Variants in GEN1 observed in about 807,000 individuals in gnomAD.
GEN1 encodes GEN1 structure-specific endonuclease, also known as flap endonuclease GEN homolog 1.
A neutral mutation model predicts 67.6 loss-of-function variants in GEN1; 64 were observed. The observed-to-expected ratio is 0.95, with a 90% CI of 0.77 to 1.17. GEN1 has a LOEUF of 1.17. Ranked by LOEUF, GEN1 falls within the 50% of genes most tolerant of loss-of-function variation. The pLI is 0.00. For synonymous variants in GEN1, 371 were observed against 359.4 expected, an observed-to-expected ratio of 1.03 and a Z score of -0.37; for missense variants, 1,058 against 1,048.3, an observed-to-expected ratio of 1.01 and a Z score of -0.13.
chr2:17,757,922 A>G (rs1168729922), intron 1 of GEN1, among the ~76,000 whole-genome samples: 2 of 152,246 alleles, frequency 1.3e-5, no homozygotes, highest in African/African-American at 4.8e-5. Flanking sequence ...GAAACAACAC[A>G]AAGGGATATG....
Position 17,781,426 on chromosome 2 carries a change from A to G in GEN1, c.2214A>G (p.Leu738=), listed in dbSNP as rs773696052. The change falls in exon 14 of 14, where the codon CTA becomes CTG. Residue 738 remains leucine (L), a synonymous_variant. Transcript: ENST00000381254. The part of the protein sequence containing the change: ...LQNESRDSKI[L]KGDQLLQEDY... ...ATGAATCCAGAGACTCTAAAATTCT[A>G]AAAGGAGACCAGCTGCTTCAAGAAG... The G allele has an allele frequency of 3.1e-6, 5 of 1,613,652 alleles. No individual in the cohort carries two copies. The highest frequency in any genetic ancestry group is 1.7e-5 in the Admixed American group (1 of 60,022).
chr2:17,756,505 C>T (rs1671440767), intron 1 of GEN1, among the ~76,000 whole-genome samples: 1 of 151,640 alleles, frequency 6.6e-6, no homozygotes, highest in African/African-American at 2.4e-5. Flanking sequence ...AAATCCCACA[C>T]CAAAAAAATT....
At position 17,765,114 on chromosome 2, in the gene GEN1, C is replaced by T. The variant is rs764326321; in HGVS notation, c.525+41C>T. 2.5e-6 allele frequency: 4 copies of T among 1,586,548 alleles called. No homozygotes were observed. The Admixed American group carries it at 6.7e-5, about 27-fold the overall frequency. Reference sequence around the variant, plus strand: ...CTCTTTTTCAGCATTTGTTTACGAACTACCTTTTTTAAAGGGCTGATTAAA... The same window carrying T: ...CTCTTTTTCAGCATTTGTTTACGAATTACCTTTTTTAAAGGGCTGATTAAA... On this transcript the variant is annotated intron_variant, in intron 4 of 13. Coordinates refer to ENST00000381254, the MANE Select transcript of GEN1 (RefSeq NM_001130009.3).
Position 17,781,765 on chromosome 2 carries a change from A to G in GEN1, c.2553A>G (p.Glu851=). ...CTAAGATACATATTAAAGAAACTGA[A>G]CAGTGTGTCAGATCTTATGAAACAG... ...SSPKIHIKET[E]QCVRSYETAE... The change falls in exon 14 of 14, where the codon GAA becomes GAG. Residue 851 remains glutamate, a synonymous_variant. Coordinates refer to ENST00000381254, the MANE Select transcript of GEN1 (RefSeq NM_001130009.3). 6.2e-7 allele frequency: 1 copy of G among 1,613,268 alleles called. No individual in the cohort carries two copies. The highest frequency in any genetic ancestry group is 8.5e-7 in the Non-Finnish European group (1 of 1,179,690).
intron 3 of GEN1, among the ~76,000 whole-genome samples, chr2:17,762,528 T>C (rs1671738148): frequency 6.6e-6 from 1 of 152,094 alleles, no homozygotes; most frequent in Admixed American, 6.6e-5. Flanking sequence ...TTTTCAAATG[T>C]GTGTATTTTT....
At chr2:17,773,782 TCC>T (rs1303910333) in intron 10 of GEN1, among the ~76,000 whole-genome samples, 2 of 152,240 alleles carry the variant, frequency 1.3e-5, no homozygotes, top group East Asian at 3.9e-4. Context: ...TTATATTAAC[TCC>T]TAATATAGTG....
chr2:17,753,987 A>G (rs1489834398), upstream of GEN1: 1 of 152,340 alleles, frequency 6.6e-6, no homozygotes, highest in South Asian at 2.1e-4. Flanking sequence ...TTGCCTAAGT[A>G]AAAGGGAAAG....
chr2:17,781,154 G>A lies in GEN1; in HGVS notation c.1942G>A (p.Asp648Asn), dbSNP rs746782810. The A allele has an allele frequency of 6.2e-7, 1 of 1,613,940 alleles. No individual in the cohort carries two copies. The highest frequency in any genetic ancestry group is 8.5e-7 in the Non-Finnish European group (1 of 1,179,898). Residue 648 changes from aspartate (D) to asparagine (N), a missense_variant, in exon 14 of 14, where the codon GAT becomes AAT. Coordinates refer to ENST00000381254, the MANE Select transcript of GEN1 (RefSeq NM_001130009.3). Reference sequence around the variant, plus strand: ...CACTGCAAACATAAAGAAAGTGTTGGATGAGGATTCTGATGGGATTAGTCC... The same window carrying A: ...CACTGCAAACATAAAGAAAGTGTTGAATGAGGATTCTGATGGGATTAGTCC... ...RYTANIKKVL[D>N]EDSDGISPEE...
chr2:17,765,042 CTG>C lies in GEN1; in HGVS notation c.496_497del (p.Val166LeufsTer14), dbSNP rs1671860048. 2 of 1,614,110 alleles carry C rather than the reference CTG, an allele frequency of 1.2e-6. No homozygotes were observed. Among genetic ancestry groups the C allele is most frequent in the Non-Finnish European group, 1.7e-6 (2 of 1,180,006 alleles). ...GATACTTTCCTTTATGGGGCCCAGACTGTTTACAGGAATTTCACTATGAATAC... is the reference window on the plus strand; with the variant it reads ...GATACTTTCCTTTATGGGGCCCAGACTTTACAGGAATTTCACTATGAATAC... On this transcript the variant is annotated frameshift_variant, in exon 4 of 14. Coordinates refer to ENST00000381254, the MANE Select transcript of GEN1 (RefSeq NM_001130009.3). LOFTEE classifies it high-confidence loss of function.
intron 12 of GEN1, among the ~76,000 whole-genome samples, chr2:17,778,277 T>TACACACACAC (rs1672588682): frequency 5.7e-5 from 2 of 35,222 alleles, no homozygotes; most frequent in Admixed American, 4.6e-4. Context: ...TACATATATG[T>TACACACACAC]ATATACACAC....
chr2:17,772,879 AT>A, intron 8 of GEN1, 95 bp downstream of exon 8: 1 of 1,172,872 alleles, frequency 8.5e-7, no homozygotes, highest in Non-Finnish European at 1.2e-6. Flanking sequence ...CCATATCTAG[AT>A]TAGTCACATG....
rs747348917 is a variant in GEN1, at chr2:17,780,852, C to T, written c.1640C>T (p.Ser547Phe). 2 of 1,613,916 alleles carry T rather than the reference C, an allele frequency of 1.2e-6. No individual in the cohort carries two copies. The highest frequency in any genetic ancestry group is 1.7e-6 in the Non-Finnish European group (2 of 1,179,860). Residue 547 changes from serine to phenylalanine, a missense_variant, in exon 14 of 14, where the codon TCT becomes TTT. Coordinates refer to ENST00000381254, the MANE Select transcript of GEN1 (RefSeq NM_001130009.3). ...AATGCACAAGAACAGTTCATGTCTT[C>T]TCTAAGACCTTTGGCTATACAGCAA... ...CLNAQEQFMSSLRPLAIQQIK... is the reference protein window; with the variant it reads ...CLNAQEQFMSFLRPLAIQQIK...
chr2:17,769,578 CTG>C (rs1184933735), intron 6 of GEN1, among the ~76,000 whole-genome samples: 1 of 152,068 alleles, frequency 6.6e-6, no homozygotes, highest in Non-Finnish European at 1.5e-5. Context: ...AATGAAATGT[CTG>C]TGGCGTGTTG....
chr2:17,775,173 A>G (rs1672370756), intron 11 of GEN1, among the ~76,000 whole-genome samples: 2 of 152,210 alleles, frequency 1.3e-5, no homozygotes, highest in African/African-American at 4.8e-5. Context: ...AAAGATGAAG[A>G]CATATGTCTG....
At chr2:17,769,433 T>C (rs769321314) in intron 6 of GEN1, among the ~76,000 whole-genome samples, 2 of 152,162 alleles carry the variant, frequency 1.3e-5, no homozygotes, top group African/African-American at 2.4e-5. Context: ...TTTAGTACAA[T>C]GTCAAGTGCA....
Position 17,780,921 on chromosome 2 carries a change from C to G in GEN1, c.1709C>G (p.Pro570Arg). 1 of 1,613,786 alleles carries G rather than the reference C, an allele frequency of 6.2e-7. No homozygotes were observed. ...SKSLISESSQ[P>R]NTSSHNISVI... Reference sequence around the variant, plus strand: ...TCTCTAATTTCAGAATCTAGTCAACCCAATACCTCATCTCATAATATATCC... The same window carrying G: ...TCTCTAATTTCAGAATCTAGTCAACGCAATACCTCATCTCATAATATATCC... The change falls in exon 14 of 14, where the codon CCC (proline) becomes CGC (arginine). Residue 570 changes from proline to arginine, a missense_variant. Physicochemically the swap from Pro to Arg is moderately radical, Grantham distance 103. Coordinates refer to ENST00000381254, the MANE Select transcript of GEN1 (RefSeq NM_001130009.3).
rs989869895 is a variant in GEN1 at position 17,770,960 on chromosome 2, T to TAC, written c.711-226_711-225dup. The TAC allele has an allele frequency of 2.1e-4, 106 of 511,350 alleles. 1 individual carries two copies. Among genetic ancestry groups the TAC allele is most frequent in the South Asian group, 1.2e-3 (70 of 56,620 alleles). 31.7% of individuals were successfully genotyped at this position (511,350 alleles called of 1,614,324 possible). On this transcript the variant is annotated intron_variant, in intron 6 of 13. Coordinates refer to ENST00000381254, the MANE Select transcript of GEN1 (RefSeq NM_001130009.3). ...TTTAATAGAGATACCGATATATAGA[T>TAC]ACACACACACATATACTCTCTCTCC...
In GEN1 at chr2:17,762,369, GTTTT is replaced by G. The variant is rs551425362; in HGVS notation, c.348+792_348+795del. 4.6e-3 allele frequency among the ~76,000 whole-genome samples: 693 copies of G among 149,902 alleles called. 8 individuals carry two copies. The highest frequency in any genetic ancestry group is 0.016 in the African/African-American group (651 of 40,812). On this transcript the variant is annotated intron_variant, in intron 3 of 13. Transcript: ENST00000381254. ...GGCGCCCGCCACCACACCTGGCTAAGTTTTTTTTGTTTTTTTTTTAGTAGAGACA... is the reference window on the plus strand; with the variant it reads ...GGCGCCCGCCACCACACCTGGCTAAGTTTTGTTTTTTTTTTAGTAGAGACA...
At chr2:17,766,226 G>A (rs1397173794) in intron 4 of GEN1, among the ~76,000 whole-genome samples, 1 of 152,062 alleles carries the variant, frequency 6.6e-6, no homozygotes, top group Non-Finnish European at 1.5e-5. Flanking sequence ...GAAATGCAGT[G>A]GTGTGATCTC....
Sources: allele counts gnomAD v4.1 joint callset (sites outside exome capture counted in the v4.1 genomes callset), GRCh38; gene constraint gnomAD v4.1.1; transcripts MANE v1.5; gene names NCBI Gene and HGNC (gene_info 2026-07-23, HGNC 2026-07-21).